Variants in DPYD observed in about 807,000 individuals in gnomAD.
The protein encoded by DPYD is dihydropyrimidine dehydrogenase [NADP(+)].
A neutral mutation model predicts 116.2 loss-of-function variants in DPYD; 109 were observed. That is an observed-to-expected ratio of 0.94 (90% CI 0.80 to 1.10). The LOEUF (loss-of-function observed/expected upper bound fraction) is 1.10. Among genes scored for constraint, DPYD ranks in the 50% least tolerant of loss-of-function variants. The pLI is 0.00. For missense variants in DPYD, 1,302 were observed against 1,254.5 expected, an observed-to-expected ratio of 1.04 and a Z score of -0.57; for synonymous variants, 440 against 432.0, an observed-to-expected ratio of 1.02 and a Z score of -0.23.
chr1:97,692,359 G>A (rs551622454), intron 6 of DPYD, among the ~76,000 whole-genome samples: 2 of 150,546 alleles, frequency 1.3e-5, no homozygotes, highest in Non-Finnish European at 3.0e-5. Context: ...TGAAAGCAAT[G>A]AGTATTCCAA....
chr1:97,169,129 T>G (rs1418724550), intron 20 of DPYD, among the ~76,000 whole-genome samples: 1 of 152,194 alleles, frequency 6.6e-6, no homozygotes, highest in African/African-American at 2.4e-5. Flanking sequence ...ATTACAGGCA[T>G]GAGCCACTAC....
At chr1:97,702,988 G>A (rs1392246273) in intron 5 of DPYD, among the ~76,000 whole-genome samples, 1 of 151,946 alleles carries the variant, frequency 6.6e-6, no homozygotes, top group African/African-American at 2.4e-5. Flanking sequence ...CATAGCATAT[G>A]TGCACATACT....
At chr1:97,168,440 G>T (rs751331613) in intron 20 of DPYD, among the ~76,000 whole-genome samples, 3 of 152,138 alleles carry the variant, frequency 2.0e-5, no homozygotes, top group Non-Finnish European at 4.4e-5. Context: ...TTCACAGATT[G>T]CTCTGAGGGT....
At chr1:97,491,400 G>C (rs1353141597) in intron 13 of DPYD, among the ~76,000 whole-genome samples, 1 of 151,808 alleles carries the variant, frequency 6.6e-6, no homozygotes, top group African/African-American at 2.4e-5. Flanking sequence ...GCAGATAGGA[G>C]TGGCTTCACC....
chr1:97,468,241 G>A lies in DPYD; in HGVS notation c.1741-18018C>T, dbSNP rs575230532. Among the ~76,000 whole-genome samples, 20 of 152,242 alleles carry A rather than the reference G, an allele frequency of 1.3e-4. No homozygotes were observed. The East Asian group carries it at 2.3e-3, about 18-fold the overall frequency. ...CATTAATTTCATACTATTTTCAAAT[G>A]TAACAAATCTTCTAATTTATTTCCA... is the stretch of plus-strand genomic sequence containing the variant. On this transcript the variant is annotated intron_variant, in intron 13 of 22. Coordinates refer to ENST00000370192, the MANE Select transcript of DPYD (RefSeq NM_000110.4).
intron 16 of DPYD, among the ~76,000 whole-genome samples, chr1:97,340,100 A>C (rs1315852062): frequency 1.3e-5 from 2 of 152,146 alleles, no homozygotes; most frequent in African/African-American, 4.8e-5. Flanking sequence ...AAAAAAGGAA[A>C]AACACCCAAC....
chr1:97,210,225 G>A (rs1433283398), intron 19 of DPYD, among the ~76,000 whole-genome samples: 1 of 152,108 alleles, frequency 6.6e-6, no homozygotes, highest in Non-Finnish European at 1.5e-5. Flanking sequence ...TGTGTTTAAA[G>A]CTAATAAATG....
chr1:97,855,163 C>CGT (rs1670759932), intron 2 of DPYD: 1 of 152,350 alleles, frequency 6.6e-6, no homozygotes, highest in South Asian at 2.1e-4. Flanking sequence ...GAATTGTATA[C>CGT]GTGTGTTCTC....
At chr1:97,788,206 C>G (rs1345712476) in intron 3 of DPYD, among the ~76,000 whole-genome samples, 1 of 152,128 alleles carries the variant, frequency 6.6e-6, no homozygotes, top group African/African-American at 2.4e-5. Context: ...CATTCCCTTC[C>G]CTTGAATCTG....
intron 20 of DPYD, among the ~76,000 whole-genome samples, chr1:97,134,014 A>AAAAAAAAAAAAAAAAT (rs1653573714): frequency 5.3e-5 from 1 of 18,806 alleles, no homozygotes; most frequent in African/African-American, 2.0e-4. Flanking sequence ...AAAAAAAAAA[A>AAAAAAAAAAAAAAAAT]ATATATATAT....
intron 13 of DPYD, among the ~76,000 whole-genome samples, chr1:97,505,024 C>T (rs970229934): frequency 2.8e-4 from 42 of 151,894 alleles, no homozygotes; most frequent in East Asian, 2.3e-3. Flanking sequence ...TGGTCATTGG[C>T]CTTTTAATAT....
At chr1:97,819,332 AT>A (rs1355911831) in intron 3 of DPYD, among the ~76,000 whole-genome samples, 2 of 151,952 alleles carry the variant, frequency 1.3e-5, no homozygotes, top group African/African-American at 4.8e-5. Context: ...AATGATTAAA[AT>A]AGAAAAGAGT....
intron 3 of DPYD, among the ~76,000 whole-genome samples, chr1:97,765,860 A>G (rs891759268): frequency 1.3e-5 from 2 of 152,248 alleles, no homozygotes; most frequent in African/African-American, 2.4e-5. Context: ...AAAGCTAAAA[A>G]GACGATAAGT....
chr1:97,572,353 A>G (rs991517504), intron 11 of DPYD, among the ~76,000 whole-genome samples: 3 of 151,916 alleles, frequency 2.0e-5, no homozygotes, highest in African/African-American at 7.2e-5. Context: ...AGCTTATAAA[A>G]TCGTATCTGA....
chr1:97,238,015 C>T (rs777387838), intron 18 of DPYD, among the ~76,000 whole-genome samples: 2 of 152,054 alleles, frequency 1.3e-5, no homozygotes, highest in Non-Finnish European at 2.9e-5. Context: ...AAAGGCAACA[C>T]AGCTTTGAAA....
At chr1:97,621,760 T>A (rs1300558109) in intron 8 of DPYD, among the ~76,000 whole-genome samples, 2 of 151,940 alleles carry the variant, frequency 1.3e-5, no homozygotes, top group Non-Finnish European at 1.5e-5. Flanking sequence ...GAAGGAAATA[T>A]ACAAGATAAG....
intron 12 of DPYD, among the ~76,000 whole-genome samples, chr1:97,516,268 A>G (rs368608144): frequency 6.6e-6 from 1 of 152,030 alleles, no homozygotes; most frequent in Non-Finnish European, 1.5e-5. Context: ...GTCTCTTTGT[A>G]CTTAAGTTAT....
chr1:97,176,499 A>G (rs1657270589), intron 20 of DPYD, among the ~76,000 whole-genome samples: 2 of 152,214 alleles, frequency 1.3e-5, no homozygotes, highest in Non-Finnish European at 2.9e-5. Flanking sequence ...AGGTCAGAAA[A>G]GAGCTGTCGG....
intron 20 of DPYD, among the ~76,000 whole-genome samples, chr1:97,107,023 G>A (rs928830607): frequency 3.9e-5 from 6 of 151,900 alleles, no homozygotes; most frequent in Admixed American, 6.6e-5. Flanking sequence ...CGTAGTATTC[G>A]GGAAACAGAG....
Sources: gnomAD v4.1 joint callset for allele counts (sites outside exome capture counted in the v4.1 genomes callset) on GRCh38, gnomAD v4.1.1 for gene constraint, MANE v1.5 for transcripts, NCBI Gene and HGNC (gene_info 2026-07-23, HGNC 2026-07-21) for gene names.